Variants in ZNF83 observed in about 807,000 individuals in gnomAD.
ZNF83 encodes the protein zinc finger protein 83.
For synonymous variants in ZNF83, 209 were observed against 213.0 expected (o/e 0.98, Z 0.17); for missense variants, 552 against 629.9 (o/e 0.88, Z 1.32).
chr19:52,613,780 C>A, exon 3 of ZNF83: 1 of 1,607,542 alleles, frequency 6.2e-7, no homozygotes, highest in Non-Finnish European at 8.5e-7. Context: ...TACATTACAT[C>A]TGTAAGGTTT....
intron 1 of ZNF83, among the ~76,000 whole-genome samples, chr19:52,664,197 T>G (rs1378864053): frequency 6.6e-6 from 1 of 151,984 alleles, no homozygotes; most frequent in Non-Finnish European, 1.5e-5. Flanking sequence ...TTTTTTTTTT[T>G]TTTTTAATTA....
intron 1 of ZNF83, among the ~76,000 whole-genome samples, chr19:52,682,815 C>G (rs1386732179): frequency 6.6e-6 from 1 of 152,218 alleles, no homozygotes; most frequent in East Asian, 1.9e-4. Context: ...CTGCTGTAAA[C>G]TAGAATTTTG....
At chr19:52,659,072 G>T (rs2061543816) in intron 2 of ZNF83, among the ~76,000 whole-genome samples, 1 of 152,092 alleles carries the variant, frequency 6.6e-6, no homozygotes. Context: ...ATCCGTCTGG[G>T]CCAGGGTCCG....
chr19:52,663,312 A>G (rs537858252), intron 1 of ZNF83, among the ~76,000 whole-genome samples: 4 of 152,216 alleles, frequency 2.6e-5, no homozygotes, highest in Non-Finnish European at 5.9e-5. Flanking sequence ...AAATACACAC[A>G]ATTGTGAACC....
At chr19:52,630,026 T>G (rs1035637744) in intron 2 of ZNF83, among the ~76,000 whole-genome samples, 1 of 151,916 alleles carries the variant, frequency 6.6e-6, no homozygotes, top group East Asian at 1.9e-4. Context: ...CTCCAGAACC[T>G]CCTCCCCCAG....
At chr19:52,653,365 C>T (rs1332288451) in intron 3 of ZNF83, 36 of 1,126,042 alleles carry the variant, frequency 3.2e-5, no homozygotes, top group African/African-American at 1.9e-4. Flanking sequence ...GTATGAATCA[C>T]GCTGGAAAAC....
intron 1 of ZNF83, among the ~76,000 whole-genome samples, chr19:52,667,042 C>T (rs1202816631): frequency 6.6e-6 from 1 of 152,048 alleles, no homozygotes; most frequent in Non-Finnish European, 1.5e-5. Context: ...ATGGACTGAA[C>T]AAGGTCTTAT....
intron 2 of ZNF83, among the ~76,000 whole-genome samples, chr19:52,622,033 C>T (rs185900930): frequency 1.1e-4 from 16 of 152,158 alleles, no homozygotes; most frequent in Non-Finnish European, 1.9e-4. Flanking sequence ...GAAGACCCCT[C>T]TTACCTCTCT....
At chr19:52,690,224 G>A (rs2147396568) in intron 1 of ZNF83, among the ~76,000 whole-genome samples, 1 of 151,708 alleles carries the variant, frequency 6.6e-6, no homozygotes, top group East Asian at 1.9e-4. Flanking sequence ...GATAGGAAGT[G>A]TATACATTGC....
chr19:52,630,341 T>C (rs1029217397), intron 2 of ZNF83, among the ~76,000 whole-genome samples: 3 of 152,154 alleles, frequency 2.0e-5, no homozygotes, highest in African/African-American at 7.2e-5. Flanking sequence ...CCCTTCTTAA[T>C]CAATACGGAG....
intron 1 of ZNF83, among the ~76,000 whole-genome samples, chr19:52,672,308 C>A (rs2061737356): frequency 6.6e-6 from 1 of 152,200 alleles, no homozygotes; most frequent in Admixed American, 6.5e-5. Flanking sequence ...ATGACTATAT[C>A]TGTAAGTTAA....
intron 1 of ZNF83, among the ~76,000 whole-genome samples, chr19:52,670,519 T>C (rs1306825898): frequency 6.6e-6 from 1 of 152,228 alleles, no homozygotes; most frequent in East Asian, 1.9e-4. Context: ...TATTTGGTGC[T>C]ATTTCTTTTG....
intron 1 of ZNF83, among the ~76,000 whole-genome samples, chr19:52,668,530 G>A (rs570453308): frequency 1.3e-5 from 2 of 152,192 alleles, no homozygotes; most frequent in Admixed American, 1.3e-4. Flanking sequence ...TTTAGGGTGT[G>A]CTTTTTTCTC....
intron 2 of ZNF83, among the ~76,000 whole-genome samples, chr19:52,658,731 T>C (rs965766991): frequency 3.3e-5 from 5 of 152,094 alleles, no homozygotes; most frequent in African/African-American, 9.7e-5. Context: ...CTAGGGACAA[T>C]AGAGGCTTCC....
At chr19:52,640,444 C>T (rs1051115974), upstream of ZNF83, among the ~76,000 whole-genome samples, 6 of 152,222 alleles carry the variant, frequency 3.9e-5, no homozygotes, top group Non-Finnish European at 7.3e-5. Flanking sequence ...AGGAAGGTCA[C>T]TTTATCACTC....
At chr19:52,687,561 TTATATATATATAAATTTTATATA>T (rs2062053675) in intron 1 of ZNF83, among the ~76,000 whole-genome samples, 1 of 22,782 alleles carries the variant, frequency 4.4e-5, no homozygotes, top group Admixed American at 3.9e-4. Flanking sequence ...TGTGTAAATT[TTATATATATATAAATTTTATATA>T]TATATATATA....
intron 3 of ZNF83, among the ~76,000 whole-genome samples, chr19:52,644,531 A>G (rs1405717522): frequency 2.6e-5 from 4 of 152,228 alleles, no homozygotes; most frequent in Non-Finnish European, 5.9e-5. Flanking sequence ...TGTCTTCCAC[A>G]TACCTGGGCT....
At chr19:52,646,207 T>G (rs777104938) in intron 3 of ZNF83, among the ~76,000 whole-genome samples, 2 of 152,166 alleles carry the variant, frequency 1.3e-5, no homozygotes, top group Admixed American at 1.3e-4. Flanking sequence ...CCCAAAGTGC[T>G]GGGATTACAG....
intron 2 of ZNF83, among the ~76,000 whole-genome samples, chr19:52,624,690 C>A (rs2060670738): frequency 6.6e-6 from 1 of 152,170 alleles, no homozygotes; most frequent in South Asian, 2.1e-4. Context: ...CAGGACTGCA[C>A]CCTGTAGCCT....
Sources: allele counts gnomAD v4.1 joint callset (sites outside exome capture counted in the v4.1 genomes callset), GRCh38; gene constraint gnomAD v4.1.1; transcripts MANE v1.5; gene names NCBI Gene and HGNC (gene_info 2026-07-23, HGNC 2026-07-21).